Variants in GYS2 observed in about 807,000 individuals in gnomAD.
The protein encoded by GYS2 is glycogen synthase 2.
A neutral mutation model predicts 85.6 loss-of-function variants in GYS2; 80 were observed. The ratio of observed to expected loss-of-function variants is 0.93; its 90% CI spans 0.78 to 1.13. The LOEUF is 1.13. GYS2 is among the 50% of genes most tolerant of loss of function. The pLI, the probability that GYS2 is intolerant of heterozygous loss-of-function variation, is 0.00. For synonymous variants in GYS2, 328 were observed against 300.7 expected, an observed-to-expected ratio of 1.09 and a Z score of -0.94; for missense variants, 881 against 854.9, an observed-to-expected ratio of 1.03 and a Z score of -0.38.
intron 4 of GYS2, among the ~76,000 whole-genome samples, chr12:21,573,479 A>G (rs1374993426): frequency 6.6e-6 from 1 of 152,208 alleles, no homozygotes; most frequent in Non-Finnish European, 1.5e-5. Context: ...CTAAATTGAC[A>G]TGAAAAATAG....
chr12:21,536,788 TA>T lies in GYS2; in HGVS notation c.*165del. 1 of 633,770 alleles carries T rather than the reference TA, an allele frequency of 1.6e-6. No homozygotes were observed. Among genetic ancestry groups the T allele is most frequent in the Non-Finnish European group, 2.8e-6 (1 of 358,896 alleles). The allele number at this position is 633,770 out of a possible 1,614,324, so 39.3% of individuals were successfully genotyped here. A position where few individuals can be genotyped will look rare whatever the true frequency, so the allele number is the denominator to read the frequency against. The stretch of plus-strand genomic sequence containing the variant: ...GGGGAAAATAACTTGGATCTTATCC[TA>T]AATTACAAAATTGTCATTCACTCAA... On this transcript the variant is annotated 3_prime_UTR_variant, in exon 16 of 16. Transcript: ENST00000261195.
chr12:21,533,587 C>A (rs1206263840), downstream of GYS2, among the ~76,000 whole-genome samples: 1 of 152,122 alleles, frequency 6.6e-6, no homozygotes, highest in Non-Finnish European at 1.5e-5. Context: ...AATTTGGGTT[C>A]ATTCAGTGAA....
At chr12:21,603,282 C>T (rs1188631708) in intron 1 of GYS2, among the ~76,000 whole-genome samples, 1 of 152,104 alleles carries the variant, frequency 6.6e-6, no homozygotes, top group Non-Finnish European at 1.5e-5. Context: ...GAGAATAAGA[C>T]CGTGCTTTGT....
intron 1 of GYS2, among the ~76,000 whole-genome samples, chr12:21,594,438 A>G (rs1056373704): frequency 6.6e-6 from 1 of 152,218 alleles, no homozygotes; most frequent in Admixed American, 6.5e-5. Context: ...GAAACAAGCA[A>G]TGTTTCTACA....
rs948187878 is a variant in GYS2 at position 21,542,919 on chromosome 12, G to A, written c.1550-328C>T. Among the ~76,000 whole-genome samples, 7 of 152,252 alleles carry A rather than the reference G, an allele frequency of 4.6e-5. No individual in the cohort carries two copies. In the East Asian group the frequency reaches 1.2e-3, roughly 25 times the overall value. On this transcript the variant is annotated intron_variant, in intron 12 of 15. Coordinates refer to ENST00000261195, the MANE Select transcript of GYS2 (RefSeq NM_021957.4). ...TGCAGAACCCTTGTGCGGAACTGCC[G>A]GGCTCCACTGCAGCTTCAATCCCAG...
intron 4 of GYS2, among the ~76,000 whole-genome samples, chr12:21,573,799 G>A (rs1944412791): frequency 6.6e-6 from 1 of 152,240 alleles, no homozygotes; most frequent in African/African-American, 2.4e-5. Flanking sequence ...AGAGCTGCAT[G>A]TGGATCCAGG....
intron 3 of GYS2, 89 bp downstream of exon 3, chr12:21,575,777 C>A: frequency 1.0e-6 from 1 of 983,768 alleles, no homozygotes. Context: ...ATCTCAAAAT[C>A]TGCCTCATTT....
intron 1 of GYS2, among the ~76,000 whole-genome samples, chr12:21,588,102 A>C (rs1224836012): frequency 6.6e-6 from 1 of 152,226 alleles, no homozygotes; most frequent in Non-Finnish European, 1.5e-5. Context: ...ATGACTCAAG[A>C]AATCCTTTGT....
At chr12:21,558,710 AT>A (rs1944213860) in intron 10 of GYS2, among the ~76,000 whole-genome samples, 1 of 152,112 alleles carries the variant, frequency 6.6e-6, no homozygotes, top group Non-Finnish European at 1.5e-5. Flanking sequence ...AGCCTGACAC[AT>A]TTGTTTTATC....
At chr12:21,594,198 G>T (rs1038756544) in intron 1 of GYS2, among the ~76,000 whole-genome samples, 4 of 152,004 alleles carry the variant, frequency 2.6e-5, no homozygotes, top group Non-Finnish European at 5.9e-5. Flanking sequence ...ACAAAATAAG[G>T]ATGCCCACTT....
chr12:21,591,580 C>T (rs138318269), intron 1 of GYS2, among the ~76,000 whole-genome samples: 332 of 152,262 alleles, frequency 2.2e-3, no homozygotes, highest in African/African-American at 7.3e-3. Flanking sequence ...CGTAACAACA[C>T]AATAGCTGAA....
At chr12:21,542,053 T>C (rs978009128) in intron 13 of GYS2, among the ~76,000 whole-genome samples, 1 of 33,894 alleles carries the variant, frequency 3.0e-5, no homozygotes, top group African/African-American at 5.0e-5. Context: ...ATAAATCTAC[T>C]TTTTTTTTTT....
At chr12:21,594,302 T>A (rs35870757) in intron 1 of GYS2, among the ~76,000 whole-genome samples, 7,685 of 152,066 alleles carry the variant, frequency 0.051, 260 homozygotes, top group Non-Finnish European at 0.07. Context: ...TAGGAAAAGA[T>A]GAAGTCAAAC....
At chr12:21,584,325 G>A (rs1196102069) in intron 1 of GYS2, among the ~76,000 whole-genome samples, 1 of 140,728 alleles carries the variant, frequency 7.1e-6, no homozygotes, top group Non-Finnish European at 1.6e-5. Flanking sequence ...TATGTGGATG[G>A]ACCTCTATGA....
At chr12:21,571,595 A>G (rs748766575) in intron 4 of GYS2, among the ~76,000 whole-genome samples, 4 of 152,022 alleles carry the variant, frequency 2.6e-5, no homozygotes, top group Non-Finnish European at 5.9e-5. Flanking sequence ...ATAATTGTCC[A>G]TGGCTTCCTT....
intron 10 of GYS2, among the ~76,000 whole-genome samples, chr12:21,558,678 T>C (rs1271443235): frequency 6.6e-6 from 1 of 152,200 alleles, no homozygotes; most frequent in Non-Finnish European, 1.5e-5. Context: ...TTCTTCCCTA[T>C]TATAACAAGC....
intron 1 of GYS2, among the ~76,000 whole-genome samples, chr12:21,582,809 A>G (rs1355545395): frequency 6.6e-6 from 1 of 152,202 alleles, no homozygotes; most frequent in Non-Finnish European, 1.5e-5. Flanking sequence ...CTCTTCTTCT[A>G]ATGGTATGGA....
At chr12:21,560,270 G>C in intron 8 of GYS2, 116 bp downstream of exon 8, 1 of 722,794 alleles carries the variant, frequency 1.4e-6, no homozygotes, top group Non-Finnish European at 2.5e-6. Flanking sequence ...AGTATTATTT[G>C]TCTGTAATAA....
chr12:21,549,643 T>A (rs987857793), intron 11 of GYS2, among the ~76,000 whole-genome samples: 2 of 152,200 alleles, frequency 1.3e-5, no homozygotes, highest in African/African-American at 4.8e-5. Context: ...TTGAAGACTA[T>A]ATTTATTTTG....
Sources: gnomAD v4.1 joint callset for allele counts (sites outside exome capture counted in the v4.1 genomes callset) on GRCh38, gnomAD v4.1.1 for gene constraint, MANE v1.5 for transcripts, NCBI Gene and HGNC (gene_info 2026-07-23, HGNC 2026-07-21) for gene names.